The following KDM2A variants were observed in gnomAD, a reference collection of about 807,000 sequenced individuals.
KDM2A encodes lysine demethylase 2A.
A neutral mutation model predicts 137.3 loss-of-function variants in KDM2A; 3 were observed. That is an observed-to-expected ratio of 0.02 (90% CI 0.01 to 0.06). The LOEUF is 0.06. Ranked by LOEUF, KDM2A falls within the 10% of genes least tolerant of loss-of-function variation. The probability of loss-of-function intolerance (pLI) is 1.00; values close to 1 mark genes in which losing one functional copy is unlikely to be tolerated. For synonymous variants in KDM2A, 512 were observed against 541.5 expected (o/e 0.95, Z 0.76); for missense variants, 738 against 1,510.6 (o/e 0.49, Z 8.48).
chr11:67,181,272 G>A (rs750252227), intron 3 of KDM2A, 48 bp from the exon 4 acceptor site: 17 of 1,274,310 alleles, frequency 1.3e-5, no homozygotes, highest in Middle Eastern at 3.7e-4. Flanking sequence ...TCCTTTTATC[G>A]TTTTTAATTA....
chr11:67,188,706 A>G (rs1857270369), intron 5 of KDM2A, among the ~76,000 whole-genome samples: 1 of 147,026 alleles, frequency 6.8e-6, no homozygotes, highest in Admixed American at 6.9e-5. Context: ...TGGGAGTGTC[A>G]CTTGAGCCTG....
intron 2 of KDM2A, among the ~76,000 whole-genome samples, chr11:67,178,072 A>G (rs1235067116): frequency 6.6e-6 from 1 of 152,198 alleles, no homozygotes; most frequent in Non-Finnish European, 1.5e-5. Context: ...GTGACTGCTT[A>G]TTAGATAGAA....
chr11:67,249,255 T>A (rs1859335087), intron 16 of KDM2A, among the ~76,000 whole-genome samples: 1 of 152,238 alleles, frequency 6.6e-6, no homozygotes, highest in Non-Finnish European at 1.5e-5. Flanking sequence ...TTTGCATCTC[T>A]GCTGTAGCAG....
rs565314152 is a variant in KDM2A at position 67,183,316 on chromosome 11, C to T, written c.307+1424C>T. On this transcript the variant is annotated intron_variant, in intron 5 of 20. Coordinates refer to ENST00000529006, the MANE Select transcript of KDM2A (RefSeq NM_012308.3). ...TAATTTGACCTCTTTTATTAAAGAGCCTCCAGGACAGTAATTCCCTGTTTA... is the reference window on the plus strand; with the variant it reads ...TAATTTGACCTCTTTTATTAAAGAGTCTCCAGGACAGTAATTCCCTGTTTA... Among the ~76,000 whole-genome samples the T allele has an allele frequency of 2.0e-5, 3 of 152,330 alleles. No homozygotes were observed. In the South Asian group the frequency reaches 6.2e-4, roughly 32 times the overall value.
intron 2 of KDM2A, among the ~76,000 whole-genome samples, chr11:67,156,710 C>T (rs1420747503): frequency 9.7e-6 from 1 of 103,296 alleles, no homozygotes; most frequent in Non-Finnish European, 1.9e-5. Flanking sequence ...CAGAGCGAGA[C>T]TCCATCTCAA....
chr11:67,183,949 AAAT>A (rs1415433662), intron 5 of KDM2A, among the ~76,000 whole-genome samples: 2 of 151,358 alleles, frequency 1.3e-5, no homozygotes, highest in African/African-American at 4.9e-5. Flanking sequence ...TCTCTACAAA[AAAT>A]ACAAAAATTA....
At position 67,250,392 on chromosome 11, in the gene KDM2A, G is replaced by A; in HGVS notation, c.2362G>A (p.Glu788Lys). Reference protein sequence around the residue: ...NNPSGKKELSEVEKAKIRGSY... With the variant: ...NNPSGKKELSKVEKAKIRGSY... ...TCCCAGCGGCAAAAAGGAGCTGTCT[G>A]AAGTTGAGAAAGCCAAGATCCGGGG... The change falls in exon 17 of 21, where the codon GAA (glutamate) becomes AAA (lysine). Residue 788 changes from glutamate to lysine, a missense_variant. Around this residue, in one of 9 missense-constraint regions of KDM2A, gnomAD observed 244 missense variants for 324.6 expected, o/e 0.75. Transcript: ENST00000529006. The surrounding 1 kb of genome is among the most constrained non-coding windows in gnomAD (Gnocchi z 7.1). The A allele has an allele frequency of 6.2e-7, 1 of 1,614,054 alleles. No individual in the cohort carries two copies.
At chr11:67,122,169 G>A (rs917980196) in intron 2 of KDM2A, among the ~76,000 whole-genome samples, 2 of 152,188 alleles carry the variant, frequency 1.3e-5, no homozygotes, top group Non-Finnish European at 2.9e-5. Flanking sequence ...TATGTAGTAT[G>A]TGAAATTTGC....
chr11:67,205,918 C>T (rs1857792046), intron 5 of KDM2A, among the ~76,000 whole-genome samples: 2 of 152,068 alleles, frequency 1.3e-5, no homozygotes, highest in Admixed American at 1.3e-4. Context: ...ACTTATTCTT[C>T]TCCCTCTTTT....
intron 3 of KDM2A, chr11:67,180,578 G>A (rs1857069353): frequency 1.1e-5 from 2 of 177,848 alleles, no homozygotes; most frequent in Admixed American, 6.0e-5. Context: ...GATTCCATGC[G>A]CACCGTGCAT....
chr11:67,208,848 A>G (rs1405273131), intron 6 of KDM2A, among the ~76,000 whole-genome samples: 1 of 152,000 alleles, frequency 6.6e-6, no homozygotes, highest in Non-Finnish European at 1.5e-5. Context: ...AGAGGCTAAG[A>G]CAGGAGAATT....
At chr11:67,221,126 G>A (rs777169951) in intron 10 of KDM2A, among the ~76,000 whole-genome samples, 5 of 152,066 alleles carry the variant, frequency 3.3e-5, no homozygotes, top group Non-Finnish European at 7.3e-5. Context: ...CCACCTTAGA[G>A]AATGAGAGCT....
chr11:67,247,073 T>A lies in KDM2A; in HGVS notation c.1965+957T>A, dbSNP rs7948579. On this transcript the variant is annotated intron_variant, in intron 15 of 20. Coordinates refer to ENST00000529006, the MANE Select transcript of KDM2A (RefSeq NM_012308.3). ...TATATATATATATATATATATATAT[T>A]TTTTTTTTTTTTTTTTTTTTTTTTT... Among the ~76,000 whole-genome samples, 144 of 43,664 alleles carry A rather than the reference T, an allele frequency of 3.3e-3. 1 individual carries two copies. Among genetic ancestry groups the A allele is most frequent in the African/African-American group, 0.011 (90 of 8,370 alleles). 28.6% of individuals were successfully genotyped at this position (43,664 alleles called of 152,430 possible).
At chr11:67,156,718 CAAAAA>C (rs56973148) in intron 2 of KDM2A, among the ~76,000 whole-genome samples, 4 of 90,892 alleles carry the variant, frequency 4.4e-5, no homozygotes, top group African/African-American at 4.0e-5. Context: ...GACTCCATCT[CAAAAA>C]AAAAAAAAAA....
intron 5 of KDM2A, among the ~76,000 whole-genome samples, chr11:67,193,045 A>G (rs1407290626): frequency 6.6e-6 from 1 of 152,112 alleles, no homozygotes; most frequent in African/African-American, 2.4e-5. Flanking sequence ...TCTGGAGTGC[A>G]GTGCCGCGAT....
At chr11:67,155,407 C>G (rs1565380843) in intron 2 of KDM2A, among the ~76,000 whole-genome samples, 1 of 151,996 alleles carries the variant, frequency 6.6e-6, no homozygotes, top group Non-Finnish European at 1.5e-5. Flanking sequence ...CTCCTAGGCT[C>G]AAGCGATTAT....
At chr11:67,206,257 G>C (rs1205067549) in intron 5 of KDM2A, among the ~76,000 whole-genome samples, 16 of 152,056 alleles carry the variant, frequency 1.1e-4, no homozygotes, top group African/African-American at 3.6e-4. Context: ...ATGGCAAAAC[G>C]CTGACTTTAC....
chr11:67,233,373 G>T (rs181533257), intron 12 of KDM2A, among the ~76,000 whole-genome samples: 26 of 145,954 alleles, frequency 1.8e-4, no homozygotes, highest in African/African-American at 6.6e-4. Flanking sequence ...ACAAAAAAAG[G>T]CTCAGTGCGA....
At chr11:67,249,709 AG>A (rs1260297720) in intron 16 of KDM2A, among the ~76,000 whole-genome samples, 2 of 152,226 alleles carry the variant, frequency 1.3e-5, no homozygotes, top group Non-Finnish European at 2.9e-5. Flanking sequence ...AGACTGTGGT[AG>A]AGCTAGAAGC....
Sources: gnomAD v4.1 joint callset for allele counts (sites outside exome capture counted in the v4.1 genomes callset) on GRCh38, gnomAD v4.1.1 for gene constraint, gnomAD v4.1.1 regional missense constraint, Gnocchi (gnomAD v3.1) non-coding constraint, MANE v1.5 for transcripts, NCBI Gene and HGNC (gene_info 2026-07-23, HGNC 2026-07-21) for gene names.